The following ENOX1 variants were observed in gnomAD, a reference collection of about 807,000 sequenced individuals.
ENOX1 encodes ecto-NOX disulfide-thiol exchanger 1, also known as candidate growth-related and time keeping constitutive hydroquinone (NADH) oxidase.
In ENOX1, 42 loss-of-function variants were observed where a neutral mutation model predicts 82.5. The observed-to-expected ratio is 0.51, with a 90% CI of 0.40 to 0.66. The LOEUF (loss-of-function observed/expected upper bound fraction) is 0.66, where lower values mean the gene tolerates loss of function less well. Among genes scored for constraint, ENOX1 ranks in the 30% least tolerant of loss-of-function variants. The pLI, the probability that ENOX1 is intolerant of heterozygous loss-of-function variation, is 0.00. For missense variants in ENOX1, 608 were observed against 811.6 expected (o/e 0.75, Z 3.05); for synonymous variants, 271 against 282.2 (o/e 0.96, Z 0.40).
intron 3 of ENOX1, among the ~76,000 whole-genome samples, chr13:43,442,969 C>A (rs79223996): frequency 0.043 from 6,513 of 152,046 alleles, 483 homozygotes; most frequent in African/African-American, 0.15. Flanking sequence ...TATGGAAAAA[C>A]AAAATTAATG....
chr13:43,566,387 G>T (rs552134639), intron 2 of ENOX1, among the ~76,000 whole-genome samples: 1 of 152,028 alleles, frequency 6.6e-6, no homozygotes, highest in East Asian at 1.9e-4. Flanking sequence ...TAATTTTAAT[G>T]CAACCCATCA....
intron 2 of ENOX1, among the ~76,000 whole-genome samples, chr13:43,657,162 A>C (rs2084476068): frequency 6.6e-6 from 1 of 152,226 alleles, no homozygotes; most frequent in African/African-American, 2.4e-5. Context: ...ATCTTTTGAG[A>C]GGGCAAAAGG....
chr13:43,667,853 T>C (rs2085064238), intron 1 of ENOX1, among the ~76,000 whole-genome samples: 1 of 152,210 alleles, frequency 6.6e-6, no homozygotes, highest in Non-Finnish European at 1.5e-5. Flanking sequence ...AAGCCAGTGC[T>C]AGGGCCAGGG....
intron 2 of ENOX1, among the ~76,000 whole-genome samples, chr13:43,650,057 CG>C (rs2084085352): frequency 1.3e-5 from 2 of 152,186 alleles, no homozygotes; most frequent in African/African-American, 4.8e-5. Context: ...AACGTTCTCA[CG>C]GAAGACAACT....
intron 2 of ENOX1, among the ~76,000 whole-genome samples, chr13:43,651,928 T>C (rs1490769859): frequency 7.6e-6 from 1 of 131,242 alleles, no homozygotes; most frequent in Non-Finnish European, 1.5e-5. Context: ...TGAGATGAGA[T>C]CGTGCCATCG....
intron 1 of ENOX1, among the ~76,000 whole-genome samples, chr13:43,743,796 T>A (rs2153828273): frequency 6.6e-6 from 1 of 152,294 alleles, no homozygotes; most frequent in East Asian, 1.9e-4. Flanking sequence ...GATTGTGTAA[T>A]TTATGAACTA....
intron 3 of ENOX1, among the ~76,000 whole-genome samples, chr13:43,457,958 T>C (rs545911810): frequency 6.6e-6 from 1 of 152,278 alleles, no homozygotes; most frequent in Non-Finnish European, 1.5e-5. Context: ...TGTGTATTCC[T>C]CCCCTCATCT....
chr13:43,342,583 T>C (rs1239048258), intron 9 of ENOX1, among the ~76,000 whole-genome samples: 1 of 151,446 alleles, frequency 6.6e-6, no homozygotes, highest in Non-Finnish European at 1.5e-5. Context: ...TCTCAGGGAG[T>C]GATGAGCCAG....
chr13:43,327,592 C>T (rs2048183921), intron 9 of ENOX1, among the ~76,000 whole-genome samples: 1 of 152,120 alleles, frequency 6.6e-6, no homozygotes, highest in African/African-American at 2.4e-5. Context: ...GTTAAGAAGG[C>T]TCAGTTAAAA....
At chr13:43,624,471 T>C (rs1041101337) in intron 2 of ENOX1, among the ~76,000 whole-genome samples, 8 of 152,178 alleles carry the variant, frequency 5.3e-5, no homozygotes, top group African/African-American at 1.9e-4. Flanking sequence ...TAAGAACTTT[T>C]TCTATTTTTA....
intron 2 of ENOX1, among the ~76,000 whole-genome samples, chr13:43,579,898 T>C (rs3851158): frequency 0.97 from 148,424 of 152,306 alleles, 72,437 homozygotes; most frequent in East Asian, 1. Context: ...CAACTGACAT[T>C]TCCCAAAGTG....
chr13:43,474,883 C>T (rs931604721), intron 3 of ENOX1, among the ~76,000 whole-genome samples: 8 of 151,918 alleles, frequency 5.3e-5, no homozygotes, highest in East Asian at 1.9e-4. Flanking sequence ...TCATGTTTCT[C>T]GGTAGCTTGA....
intron 5 of ENOX1, among the ~76,000 whole-genome samples, chr13:43,381,743 T>C (rs918550993): frequency 6.6e-6 from 1 of 152,058 alleles, no homozygotes; most frequent in East Asian, 1.9e-4. Flanking sequence ...ACAAAAATTG[T>C]ATGTCAATAA....
chr13:43,505,989 C>A (rs2077145473), intron 2 of ENOX1, among the ~76,000 whole-genome samples: 1 of 152,010 alleles, frequency 6.6e-6, no homozygotes, highest in South Asian at 2.1e-4. Flanking sequence ...GTTTTCCCAG[C>A]ACCATTTATT....
At chr13:43,534,177 T>C (rs978356961) in intron 2 of ENOX1, among the ~76,000 whole-genome samples, 6 of 152,130 alleles carry the variant, frequency 3.9e-5, no homozygotes, top group Admixed American at 1.3e-4. Flanking sequence ...CAAGAAATAA[T>C]TTCTCAAGAA....
intron 1 of ENOX1, among the ~76,000 whole-genome samples, chr13:43,698,700 C>A (rs1384703658): frequency 6.6e-6 from 1 of 152,140 alleles, no homozygotes; most frequent in African/African-American, 2.4e-5. Context: ...ATCAACACTG[C>A]ACTTTTCACA....
chr13:43,341,742 T>C (rs1238526432), intron 9 of ENOX1, among the ~76,000 whole-genome samples: 5 of 152,202 alleles, frequency 3.3e-5, no homozygotes, highest in Non-Finnish European at 5.9e-5. Context: ...TGCAAAATTC[T>C]TCCTAGTAGC....
chr13:43,647,529 A>C (rs563721585), intron 2 of ENOX1, among the ~76,000 whole-genome samples: 64 of 152,284 alleles, frequency 4.2e-4, no homozygotes, highest in Non-Finnish European at 9.0e-4. Flanking sequence ...ATCAAGAAGA[A>C]TGTGACAAGT....
At chr13:43,551,372 C>T (rs1034088356) in intron 2 of ENOX1, among the ~76,000 whole-genome samples, 4 of 151,910 alleles carry the variant, frequency 2.6e-5, no homozygotes, top group Non-Finnish European at 5.9e-5. Flanking sequence ...GGGATGAAAC[C>T]AATTTGATCA....
Sources: gnomAD v4.1 joint callset for allele counts (sites outside exome capture counted in the v4.1 genomes callset) on GRCh38, gnomAD v4.1.1 for gene constraint, MANE v1.5 for transcripts, NCBI Gene and HGNC (gene_info 2026-07-23, HGNC 2026-07-21) for gene names.